The following TRPM8 variants were observed in gnomAD, a reference collection of about 807,000 sequenced individuals.
The protein encoded by TRPM8 is TRPM8 cationic channel.
TRPM8 carries 110 observed loss-of-function variants against 133.7 expected under a neutral mutation model. The observed-to-expected ratio is 0.82, with a 90% CI of 0.70 to 0.96. The LOEUF is 0.96. Among genes scored for constraint, TRPM8 ranks in the 40% least tolerant of loss-of-function variants. The pLI, the probability that TRPM8 is intolerant of heterozygous loss-of-function variation, is 0.00. For missense variants in TRPM8, 1,291 were observed against 1,379.5 expected, an observed-to-expected ratio of 0.94 and a Z score of 1.02; for synonymous variants, 535 against 532.3, an observed-to-expected ratio of 1.01 and a Z score of -0.07.
chr2:234,009,638 C>T (rs984523524), intron 24 of TRPM8, among the ~76,000 whole-genome samples: 3 of 152,128 alleles, frequency 2.0e-5, no homozygotes, highest in Admixed American at 1.3e-4. Context: ...CACCGCCTCC[C>T]TCCCCTTCTC....
In TRPM8 at chr2:234,018,470, C is replaced by T. The variant is rs1559555809; in HGVS notation, c.*1214C>T. On this transcript the variant is annotated 3_prime_UTR_variant, in exon 26 of 26. Transcript: ENST00000324695. ...TTTATTATTAAAACCATTTATAAGG[C>T]TTTTTCATAAATGTATAGCAAATAG... The T allele has an allele frequency of 1.3e-5, 2 of 151,482 alleles. No individual in the cohort carries two copies. Among genetic ancestry groups the T allele is most frequent in the African/African-American group, 2.4e-5 (1 of 41,270 alleles). 9.4% of individuals were successfully genotyped at this position (151,482 alleles called of 1,614,324 possible). A position where few individuals can be genotyped will look rare whatever the true frequency, so the allele number is the denominator to read the frequency against.
chr2:233,959,665 T>G (rs1691384055), intron 11 of TRPM8, among the ~76,000 whole-genome samples: 1 of 152,146 alleles, frequency 6.6e-6, no homozygotes, highest in South Asian at 2.1e-4. Context: ...TTGATGAACT[T>G]TCTAATTTTT....
intron 6 of TRPM8, 37 bp downstream of exon 6, chr2:233,942,785 TG>T: frequency 6.2e-7 from 1 of 1,612,166 alleles, no homozygotes; most frequent in South Asian, 1.1e-5. Context: ...CTAGGTCACA[TG>T]GAAGAAAGAC....
At chr2:233,944,815 G>A (rs1691002227) in intron 6 of TRPM8, among the ~76,000 whole-genome samples, 2 of 152,002 alleles carry the variant, frequency 1.3e-5, no homozygotes, top group Admixed American at 6.6e-5. Flanking sequence ...TTATATAATA[G>A]CACTTACTAT....
chr2:233,983,822 C>T (rs937168615), intron 20 of TRPM8, among the ~76,000 whole-genome samples: 2 of 152,198 alleles, frequency 1.3e-5, no homozygotes, highest in Non-Finnish European at 1.5e-5. Flanking sequence ...TACCCTACCA[C>T]GATAAAACCA....
intron 12 of TRPM8, 100 bp downstream of exon 12, chr2:233,961,166 A>T (rs1574728389): frequency 8.5e-7 from 1 of 1,171,216 alleles, no homozygotes; most frequent in East Asian, 2.5e-5. Context: ...ATTGCCATAA[A>T]ATACTTAACA....
rs10490017 is a variant in TRPM8, at chr2:233,989,900, T to C, written c.2939+4035T>C. ...GGAGCTAGGGCATTTATAAGCATTGTGCCCTGAAGATAAGTTCACCCCAGG... is the reference window on the plus strand; with the variant it reads ...GGAGCTAGGGCATTTATAAGCATTGCGCCCTGAAGATAAGTTCACCCCAGG... On this transcript the variant is annotated intron_variant, in intron 21 of 25. Transcript: ENST00000324695. This position sits in a 1 kb window ranked among gnomAD's most constrained non-coding sequence, Gnocchi z 4.2. 0.048 allele frequency among the ~76,000 whole-genome samples: 7,325 copies of C among 152,300 alleles called. 306 individuals are homozygous for C. The highest frequency in any genetic ancestry group is 0.19 in the East Asian group (973 of 5,178).
intron 3 of TRPM8, chr2:233,933,637 C>T (rs1691724251): frequency 6.6e-6 from 1 of 152,258 alleles, no homozygotes; most frequent in Admixed American, 6.5e-5. Flanking sequence ...AGGCAGCTCT[C>T]TTGGTCAAGG....
chr2:233,926,487 G>A (rs1691518003), intron 1 of TRPM8, 46 bp from the exon 2 acceptor site: 1 of 1,431,998 alleles, frequency 7.0e-7, no homozygotes, highest in Non-Finnish European at 9.9e-7. Flanking sequence ...AGGAAGCCCT[G>A]TTACTGTTTG....
At chr2:233,988,499 G>A (rs1692202556) in intron 21 of TRPM8, among the ~76,000 whole-genome samples, 1 of 152,136 alleles carries the variant, frequency 6.6e-6, no homozygotes, top group African/African-American at 2.4e-5. Context: ...TGAAAAAAAT[G>A]GGTTCTTACC....
chr2:233,926,027 C>T (rs1012241499), intron 1 of TRPM8, among the ~76,000 whole-genome samples: 1 of 152,144 alleles, frequency 6.6e-6, no homozygotes, highest in South Asian at 2.1e-4. Context: ...ACAGACTGAC[C>T]CCCAAGCCCT....
chr2:233,945,673 C>A (rs1691023085), intron 6 of TRPM8, among the ~76,000 whole-genome samples, 183 bp from the exon 7 acceptor site: 2 of 152,122 alleles, frequency 1.3e-5, no homozygotes, highest in African/African-American at 2.4e-5. Context: ...ACTTCCATTT[C>A]CTCATATTTA....
intron 14 of TRPM8, 117 bp downstream of exon 14, chr2:233,964,874 T>A: frequency 8.9e-7 from 1 of 1,125,482 alleles, no homozygotes; most frequent in Admixed American, 2.5e-5. Context: ...AGCTCCCCAG[T>A]CTGATTGAGG....
chr2:233,958,029 G>A (rs952324246), intron 11 of TRPM8, among the ~76,000 whole-genome samples: 1 of 152,250 alleles, frequency 6.6e-6, no homozygotes, highest in South Asian at 2.1e-4. Context: ...AAAATATCTG[G>A]AATGCTGATA....
Position 233,960,985 on chromosome 2 carries a change from C to T in TRPM8, c.1572C>T (p.Val524=). 2 of 1,614,148 alleles carry T rather than the reference C, an allele frequency of 1.2e-6. No homozygotes were observed. The highest frequency in any genetic ancestry group is 2.2e-5 in the East Asian group (1 of 44,872). ...NSYNDALLTF[V]WKLVANFRRG... ...ATAATGATGCCCTCCTCACGTTTGT[C>T]TGGAAACTGGTTGCGAACTTCCGAA... Residue 524 remains valine, a synonymous_variant, in exon 12 of 26, where the codon GTC becomes GTT. Transcript: ENST00000324695.
In TRPM8 at chr2:234,017,901, C is replaced by T. The variant is rs959228304; in HGVS notation, c.*645C>T. The stretch of plus-strand genomic sequence containing the variant: ...ACCAGGCTCCTATTGAAGGAACCAC[C>T]CCCATTCCTAAATATGTGAAAAGTC... On this transcript the variant is annotated 3_prime_UTR_variant, in exon 26 of 26. Transcript: ENST00000324695. 1 of 152,180 alleles carries T rather than the reference C, an allele frequency of 6.6e-6. No individual in the cohort carries two copies. The highest frequency in any genetic ancestry group is 2.4e-5 in the African/African-American group (1 of 41,434). 9.4% of individuals were successfully genotyped at this position (152,180 alleles called of 1,614,324 possible).
chr2:233,975,266 G>A (rs1559537293), intron 17 of TRPM8, among the ~76,000 whole-genome samples: 1 of 152,144 alleles, frequency 6.6e-6, no homozygotes, highest in Non-Finnish European at 1.5e-5. Flanking sequence ...GATGAAGCAC[G>A]GTCTTCATAA....
At chr2:234,009,557 G>C (rs1692780680) in intron 24 of TRPM8, among the ~76,000 whole-genome samples, 8 of 152,128 alleles carry the variant, frequency 5.3e-5, no homozygotes, top group Admixed American at 4.6e-4. Context: ...CTGACTCCTA[G>C]GGTCCAGGAA....
intron 1 of TRPM8, among the ~76,000 whole-genome samples, chr2:233,924,618 C>CA (rs1406157046): frequency 6.6e-6 from 1 of 152,186 alleles, no homozygotes; most frequent in East Asian, 1.9e-4. Context: ...AGACTACCAG[C>CA]TGCTGAGAAA....
Sources: allele counts gnomAD v4.1 joint callset (sites outside exome capture counted in the v4.1 genomes callset), GRCh38; gene constraint gnomAD v4.1.1; non-coding constraint Gnocchi (gnomAD v3.1); transcripts MANE v1.5; gene names NCBI Gene and HGNC (gene_info 2026-07-23, HGNC 2026-07-21).